PPM1G: variants seen among roughly 807,000 people sequenced by gnomAD.
The protein encoded by PPM1G is protein phosphatase 1G.
PPM1G carries 12 observed loss-of-function variants against 59.4 expected under a neutral mutation model. The observed-to-expected ratio is 0.20, with a 90% CI of 0.13 to 0.33. The LOEUF (loss-of-function observed/expected upper bound fraction) is 0.33, where lower values mean the gene tolerates loss of function less well. Ranked by LOEUF, PPM1G falls within the 10% of genes least tolerant of loss-of-function variation. PPM1G has a pLI of 1.00. For missense variants in PPM1G, 392 were observed against 681.3 expected, an observed-to-expected ratio of 0.58 and a Z score of 4.73; for synonymous variants, 245 against 251.9, an observed-to-expected ratio of 0.97 and a Z score of 0.26.
chr2:27,389,064 T>G (rs1683835843), intron 1 of PPM1G, among the ~76,000 whole-genome samples: 1 of 152,174 alleles, frequency 6.6e-6, no homozygotes. Flanking sequence ...TGGCCTCAAG[T>G]TGCCATTCTA....
At position 27,409,544 on chromosome 2, in the gene PPM1G, G is replaced by A. The variant is rs1177003273; in HGVS notation, c.-122C>T. 3.2e-6 allele frequency: 4 copies of A among 1,260,508 alleles called. No individual in the cohort carries two copies. The highest frequency in any genetic ancestry group is 4.1e-6 in the Non-Finnish European group (4 of 984,458). 78.1% of individuals were successfully genotyped at this position (1,260,508 alleles called of 1,614,324 possible). ...GCGGCGCGACCGACGCAAGGTGCCGGTGAAAGGCGCGAGGCCGGCCAGGAG... is the reference window on the plus strand; with the variant it reads ...GCGGCGCGACCGACGCAAGGTGCCGATGAAAGGCGCGAGGCCGGCCAGGAG... On this transcript the variant is annotated 5_prime_UTR_variant, in exon 1 of 10. Transcript: ENST00000344034.
chr2:27,397,255 C>A (rs1156689911), intron 1 of PPM1G, among the ~76,000 whole-genome samples: 4 of 152,142 alleles, frequency 2.6e-5, no homozygotes, highest in African/African-American at 9.7e-5. Context: ...GTGAATTCTA[C>A]CAAACATTTA....
rs1683635530 is a variant in PPM1G, at chr2:27,381,705, T to G, written c.1535A>C (p.Glu512Ala). The change falls in exon 10 of 10, where the codon GAG becomes GCG. Residue 512 changes from glutamate to alanine, a missense_variant. Glu to Ala is a moderately radical substitution (Grantham distance 107). Around this residue, in one of 6 missense-constraint regions of PPM1G, gnomAD observed 49 missense variants for 43.4 expected, o/e 1.13. Transcript: ENST00000344034. ...TCGCTTGCCACTCTCTGGCTGGAGC[T>G]CTGCTGTGTTTCGGGGCTTGAAGCA... is the stretch of plus-strand genomic sequence containing the variant. ...IICFKPRNTA[E>A]LQPESGKRKL... is the part of the protein sequence containing the mutation. The G allele has an allele frequency of 6.2e-7, 1 of 1,613,890 alleles. No individual in the cohort carries two copies. The highest frequency in any genetic ancestry group is 1.3e-5 in the African/African-American group (1 of 74,858).
intron 1 of PPM1G, among the ~76,000 whole-genome samples, chr2:27,405,684 C>T (rs903098610): frequency 6.6e-6 from 1 of 151,926 alleles, no homozygotes; most frequent in Non-Finnish European, 1.5e-5. Context: ...GTTAAGCCAC[C>T]ACGACTGGCC....
intron 1 of PPM1G, among the ~76,000 whole-genome samples, chr2:27,389,644 G>A (rs1287132239): frequency 1.3e-5 from 2 of 152,118 alleles, no homozygotes; most frequent in Non-Finnish European, 2.9e-5. Flanking sequence ...GCCTGAATCA[G>A]AACTACTAAG....
In PPM1G at chr2:27,383,201, A is replaced by T. The variant is rs1182760244; in HGVS notation, c.1201+165T>A. Among the ~76,000 whole-genome samples, 1 of 152,202 alleles carries T rather than the reference A, an allele frequency of 6.6e-6. No individual in the cohort carries two copies. The highest frequency in any genetic ancestry group is 1.5e-5 in the Non-Finnish European group (1 of 68,044). ...GGTATAATGATACCTATGTATAATG[A>T]TACCTCTACCCATCTTAGTTATTTC... On this transcript the variant is annotated intron_variant, in intron 7 of 9. Transcript: ENST00000344034. The surrounding 1 kb of genome is among the most constrained non-coding windows in gnomAD (Gnocchi z 5.0).
intron 1 of PPM1G, among the ~76,000 whole-genome samples, chr2:27,396,191 G>A (rs1169757378): frequency 1.3e-5 from 2 of 152,102 alleles, no homozygotes; most frequent in African/African-American, 4.8e-5. Context: ...ACAATCACTT[G>A]AACCTGGGAG....
At position 27,385,460 on chromosome 2, in the gene PPM1G, T is replaced by G; in HGVS notation, c.409+287A>C. The G allele has an allele frequency of 2.3e-6, 1 of 435,606 alleles. No homozygotes were observed. Among genetic ancestry groups the G allele is most frequent in the Non-Finnish European group, 4.0e-6 (1 of 248,984 alleles). The allele number at this position is 435,606 out of a possible 1,614,324, so 27.0% of individuals were successfully genotyped here. ...TTGGGGCTAATAACTGCTCCAGTCT[T>G]GAGGGGAAAAAAAAGCACATAAATA... is the stretch of plus-strand genomic sequence containing the variant. On this transcript the variant is annotated intron_variant, in intron 4 of 9. Coordinates refer to ENST00000344034, the MANE Select transcript of PPM1G (RefSeq NM_177983.3). This position sits in a 1 kb window ranked among gnomAD's most constrained non-coding sequence, Gnocchi z 4.1.
rs552806497 is a variant in PPM1G, at chr2:27,381,863, A to G, written c.1435-58T>C. ...GGTTTGAACACCTTGCCAGGAATCT[A>G]CAGTCCCACAAGAGGGCTGGCTTGC... On this transcript the variant is annotated intron_variant, in intron 9 of 9. Transcript: ENST00000344034. The G allele has an allele frequency of 5.8e-5, 90 of 1,552,476 alleles. No homozygotes were observed. In the South Asian group the frequency reaches 8.6e-4, roughly 15 times the overall value.
chr2:27,408,087 A>G (rs1663423618), intron 1 of PPM1G, among the ~76,000 whole-genome samples: 1 of 152,096 alleles, frequency 6.6e-6, no homozygotes, highest in South Asian at 2.1e-4. Context: ...GAGATGAACT[A>G]TAGGATACAC....
chr2:27,400,252 T>C (rs778140047), intron 1 of PPM1G, among the ~76,000 whole-genome samples: 3 of 151,308 alleles, frequency 2.0e-5, no homozygotes, highest in Non-Finnish European at 4.4e-5. Context: ...ACACAAAAAA[T>C]TTAGCCGGGT....
Position 27,382,180 on chromosome 2 carries a change from G to A in PPM1G, c.1380C>T (p.Ile460=). Residue 460 remains isoleucine (I), a synonymous_variant, in exon 9 of 10, where the codon ATC becomes ATT. Coordinates refer to ENST00000344034, the MANE Select transcript of PPM1G (RefSeq NM_177983.3). The surrounding 1 kb of genome is among the most constrained non-coding windows in gnomAD (Gnocchi z 4.2). The part of the protein sequence containing the change: ...QEVVDFIQSK[I]SQRDENGELR... ...GCTCCCCATTTTCATCACGCTGGCT[G>A]ATCTTTGATTGAATGAAATCTACAA... The A allele has an allele frequency of 3.1e-6, 5 of 1,614,218 alleles. No individual in the cohort carries two copies. The highest frequency in any genetic ancestry group is 4.2e-6 in the Non-Finnish European group (5 of 1,180,046).
In PPM1G at chr2:27,384,985, G is replaced by C; in HGVS notation, c.513C>G (p.Ser171Arg). The C allele has an allele frequency of 6.2e-7, 1 of 1,614,196 alleles. No homozygotes were observed. The highest frequency in any genetic ancestry group is 8.5e-7 in the Non-Finnish European group (1 of 1,180,034). The change falls in exon 5 of 10, where the codon AGC becomes AGG. Residue 171 changes from serine to arginine, a missense_variant. Ser to Arg is a moderately radical substitution (Grantham distance 110). This residue lies in a region of PPM1G where 188 missense variants were observed against 248.8 expected (regional missense o/e 0.76). Coordinates refer to ENST00000344034, the MANE Select transcript of PPM1G (RefSeq NM_177983.3). The surrounding 1 kb of genome is among the most constrained non-coding windows in gnomAD (Gnocchi z 4.8). ...GQNCHKGPPH[S>R]KSGGGTGEEP... ...CCTCGCCTGTCCCACCTCCAGATTT[G>C]CTGTGGGGAGGGCCCTTGTGACAGT...
intron 1 of PPM1G, among the ~76,000 whole-genome samples, chr2:27,395,667 ACT>A (rs911711075): frequency 6.6e-6 from 1 of 151,898 alleles, no homozygotes; most frequent in Non-Finnish European, 1.5e-5. Flanking sequence ...ACACTGTGAG[ACT>A]CTGTCTCTAC....
At chr2:27,394,972 G>A (rs1252150572) in intron 1 of PPM1G, among the ~76,000 whole-genome samples, 5 of 151,968 alleles carry the variant, frequency 3.3e-5, no homozygotes, top group African/African-American at 1.2e-4. Flanking sequence ...GCTCACGCCT[G>A]TAATCCCAAC....
chr2:27,406,906 G>T (rs187728638), intron 1 of PPM1G, among the ~76,000 whole-genome samples: 1 of 151,738 alleles, frequency 6.6e-6, no homozygotes, highest in Non-Finnish European at 1.5e-5. Flanking sequence ...GGAACTTCTT[G>T]ACTACCTACT....
Position 27,387,069 on chromosome 2 carries a change from A to G in PPM1G, c.190+20T>C, listed in dbSNP as rs189531818. On this transcript the variant is annotated intron_variant, in intron 2 of 9. Coordinates refer to ENST00000344034, the MANE Select transcript of PPM1G (RefSeq NM_177983.3). ...GAATTGGGGTCCTAGAATGTTACCA[A>G]TATGATCTGTTAAAGTTACCTCCAT... The G allele has an allele frequency of 5.4e-5, 86 of 1,583,950 alleles. 1 individual carries two copies. The highest frequency in any genetic ancestry group is 1.1e-4 in the South Asian group (10 of 90,478).
chr2:27,382,027 T>C lies in PPM1G; in HGVS notation c.1434+99A>G. The C allele has an allele frequency of 8.1e-7, 1 of 1,241,008 alleles. No homozygotes were observed. Among genetic ancestry groups the C allele is most frequent in the Non-Finnish European group, 1.2e-6 (1 of 853,784 alleles). The allele number at this position is 1,241,008 out of a possible 1,614,324, so 76.9% of individuals were successfully genotyped here. Reference sequence around the variant, plus strand: ...TCGGGGTTTAGCGTCTGTCAGCAATTACTGATAATGCTCCCAGATTGCCGA... The same window carrying C: ...TCGGGGTTTAGCGTCTGTCAGCAATCACTGATAATGCTCCCAGATTGCCGA... On this transcript the variant is annotated intron_variant, in intron 9 of 9. Coordinates refer to ENST00000344034, the MANE Select transcript of PPM1G (RefSeq NM_177983.3). The surrounding 1 kb of genome is among the most constrained non-coding windows in gnomAD (Gnocchi z 4.2).
intron 1 of PPM1G, among the ~76,000 whole-genome samples, chr2:27,405,600 T>A (rs1663338110): frequency 6.6e-6 from 1 of 151,224 alleles, no homozygotes; most frequent in African/African-American, 2.4e-5. Flanking sequence ...TTTCACCATG[T>A]TGACTAGGCT....
Sources: allele counts gnomAD v4.1 joint callset (sites outside exome capture counted in the v4.1 genomes callset), GRCh38; gene constraint gnomAD v4.1.1; regional missense constraint gnomAD v4.1.1; non-coding constraint Gnocchi (gnomAD v3.1); transcripts MANE v1.5; gene names NCBI Gene and HGNC (gene_info 2026-07-23, HGNC 2026-07-21).